Variants in KATNAL2 observed in about 807,000 individuals in gnomAD.
KATNAL2 encodes katanin catalytic subunit A1 like 2, also known as katanin p60 ATPase-containing subunit A-like 2.
KATNAL2 carries 52 observed loss-of-function variants against 76.3 expected under a neutral mutation model. That is an observed-to-expected ratio of 0.68 (90% confidence interval 0.55 to 0.86). KATNAL2 has a LOEUF of 0.86. Among genes scored for constraint, KATNAL2 ranks in the 40% least tolerant of loss-of-function variants. The pLI is 0.00. For missense variants in KATNAL2, 660 were observed against 668.9 expected, an observed-to-expected ratio of 0.99 and a Z score of 0.15; for synonymous variants, 243 against 244.2, an observed-to-expected ratio of 1.00 and a Z score of 0.05.
chr18:47,041,645 A>T (rs1022405308), intron 3 of KATNAL2, among the ~76,000 whole-genome samples: 2 of 152,236 alleles, frequency 1.3e-5, no homozygotes, highest in East Asian at 3.9e-4. Flanking sequence ...GCAATTATGA[A>T]TAAAGCTGCT....
At chr18:47,050,568 C>T (rs2061311850) in intron 4 of KATNAL2, among the ~76,000 whole-genome samples, 1 of 152,184 alleles carries the variant, frequency 6.6e-6, no homozygotes, top group South Asian at 2.1e-4. Flanking sequence ...TTTTTCCTTT[C>T]TGCCACGAGA....
At chr18:47,082,073 CAT>C (rs2147290835) in intron 15 of KATNAL2, among the ~76,000 whole-genome samples, 1 of 152,288 alleles carries the variant, frequency 6.6e-6, no homozygotes, top group South Asian at 2.1e-4. Context: ...ACAAATACTG[CAT>C]ATGTGTGTAT....
intron 3 of KATNAL2, among the ~76,000 whole-genome samples, chr18:46,955,451 T>C (rs1157644677): frequency 6.6e-6 from 1 of 151,922 alleles, no homozygotes; most frequent in African/African-American, 2.4e-5. Flanking sequence ...CTTGAACTCC[T>C]GACCTCAGGT....
intron 15 of KATNAL2, among the ~76,000 whole-genome samples, chr18:47,078,829 A>G (rs771100887): frequency 6.6e-6 from 1 of 152,220 alleles, no homozygotes; most frequent in Non-Finnish European, 1.5e-5. Flanking sequence ...AACAAAGCAA[A>G]AAACGCATAA....
At chr18:47,048,739 T>C (rs1376197663) in intron 4 of KATNAL2, among the ~76,000 whole-genome samples, 2 of 151,442 alleles carry the variant, frequency 1.3e-5, no homozygotes, top group African/African-American at 4.9e-5. Context: ...TATGAGAAAG[T>C]GCTAAGTGTT....
intron 15 of KATNAL2, among the ~76,000 whole-genome samples, chr18:47,078,992 CTGTTT>C (rs1421336036): frequency 6.6e-6 from 1 of 152,052 alleles, no homozygotes; most frequent in Non-Finnish European, 1.5e-5. Context: ...CTCATATATC[CTGTTT>C]TATTATGAAA....
intron 3 of KATNAL2, among the ~76,000 whole-genome samples, chr18:47,041,369 C>T (rs1031078550): frequency 2.6e-5 from 4 of 152,132 alleles, no homozygotes; most frequent in Non-Finnish European, 2.9e-5. Flanking sequence ...TCCCTTCCTC[C>T]CCGCAACCCC....
At chr18:47,076,693 T>C (rs2062240203) in intron 14 of KATNAL2, 1 of 151,860 alleles carries the variant, frequency 6.6e-6, no homozygotes, top group South Asian at 2.1e-4. Flanking sequence ...TCGATAATAT[T>C]ATGTTAAAGG....
intron 2 of KATNAL2, 112 bp downstream of exon 2, chr18:46,946,658 C>A (rs1472783659): frequency 8.8e-7 from 1 of 1,133,366 alleles, no homozygotes; most frequent in African/African-American, 1.6e-5. Flanking sequence ...CTTCATTGGC[C>A]AGTGTCATGC....
At chr18:47,065,452 G>C (rs1240782791) in intron 10 of KATNAL2, among the ~76,000 whole-genome samples, 1 of 150,866 alleles carries the variant, frequency 6.6e-6, no homozygotes, top group African/African-American at 2.4e-5. Flanking sequence ...GAGTGTCGGG[G>C]GGGGAACAGG....
intron 1 of KATNAL2, among the ~76,000 whole-genome samples, chr18:46,936,176 A>C (rs559186952): frequency 6.6e-6 from 1 of 152,298 alleles, no homozygotes; most frequent in African/African-American, 2.4e-5. Context: ...ATCAAACAAA[A>C]CATCATTAAA....
chr18:46,919,639 AC>A, intron 1 of KATNAL2, among the ~76,000 whole-genome samples: 1 of 152,316 alleles, frequency 6.6e-6, no homozygotes, highest in East Asian at 1.9e-4. Context: ...ACAGAGTGAG[AC>A]TTTGTCTCAA....
At chr18:47,032,752 A>T in intron 3 of KATNAL2, 1 of 629,188 alleles carries the variant, frequency 1.6e-6, no homozygotes, top group South Asian at 2.2e-5. Flanking sequence ...ATCAGTGAAC[A>T]TCCAAAATAG....
intron 15 of KATNAL2, among the ~76,000 whole-genome samples, chr18:47,080,415 A>C (rs1021145046): frequency 1.3e-5 from 2 of 152,214 alleles, no homozygotes; most frequent in African/African-American, 4.8e-5. Context: ...AATCAATTTT[A>C]GAACATTTTT....
chr18:46,937,341 G>A (rs2059123547), intron 1 of KATNAL2, among the ~76,000 whole-genome samples: 1 of 152,074 alleles, frequency 6.6e-6, no homozygotes, highest in South Asian at 2.1e-4. Flanking sequence ...GCCTAGAGGA[G>A]ACTAAGGAGA....
intron 1 of KATNAL2, among the ~76,000 whole-genome samples, chr18:46,924,207 A>G (rs2058660942): frequency 1.3e-5 from 2 of 152,290 alleles, no homozygotes; most frequent in Admixed American, 6.5e-5. Context: ...TTATGGTTTT[A>G]GGTCTAACAT....
At chr18:46,927,758 A>G (rs1599314896) in intron 1 of KATNAL2, among the ~76,000 whole-genome samples, 1 of 152,186 alleles carries the variant, frequency 6.6e-6, no homozygotes. Context: ...ACATAGTCCT[A>G]TATTTCTTGG....
At position 47,069,217 on chromosome 18, in the gene KATNAL2, T is replaced by C; in HGVS notation, c.826-3T>C. The C allele has an allele frequency of 6.2e-7, 1 of 1,608,782 alleles. No homozygotes were observed. The highest frequency in any genetic ancestry group is 8.5e-7 in the Non-Finnish European group (1 of 1,175,990). ...ACCTCATCCTTGTTCCTTGTTTCCTTAGTATCCACAGCTATTTACAGGAAT... is the reference window on the plus strand; with the variant it reads ...ACCTCATCCTTGTTCCTTGTTTCCTCAGTATCCACAGCTATTTACAGGAAT... On this transcript the variant is annotated splice_polypyrimidine_tract_variant and splice_region_variant and intron_variant, in intron 11 of 17. Transcript: ENST00000683218.
At position 46,917,715 on chromosome 18, in the gene KATNAL2, G is replaced by T; in HGVS notation, c.-721G>T. The T allele has an allele frequency of 3.4e-6, 1 of 296,028 alleles. No homozygotes were observed. Among genetic ancestry groups the T allele is most frequent in the Non-Finnish European group, 5.0e-6 (1 of 199,022 alleles). The allele number at this position is 296,028 out of a possible 1,614,324, so 18.3% of individuals were successfully genotyped here. ...TCCCCGGCGGAGGCCCCTGCGGACT[G>T]CCTAGAGCTGGGTCGCAACTGAGGC... On this transcript the variant is annotated 5_prime_UTR_variant, in exon 1 of 18. Transcript: ENST00000683218.
Sources: gnomAD v4.1 joint callset for allele counts (sites outside exome capture counted in the v4.1 genomes callset) on GRCh38, gnomAD v4.1.1 for gene constraint, MANE v1.5 for transcripts, NCBI Gene and HGNC (gene_info 2026-07-23, HGNC 2026-07-21) for gene names.